Variants in COL24A1 observed in about 807,000 individuals in gnomAD.
COL24A1 encodes the protein collagen type XXIV alpha 1 chain.
A neutral mutation model predicts 253.9 loss-of-function variants in COL24A1; 224 were observed. The observed-to-expected ratio is 0.88, with a 90% confidence interval of 0.79 to 0.99. The LOEUF is 0.99. Among genes scored for constraint, COL24A1 ranks in the 50% least tolerant of loss-of-function variants. COL24A1 has a pLI of 0.00. For synonymous variants in COL24A1, 685 were observed against 673.7 expected, an observed-to-expected ratio of 1.02 and a Z score of -0.26; for missense variants, 2,131 against 2,068.5, an observed-to-expected ratio of 1.03 and a Z score of -0.59.
intron 53 of COL24A1, among the ~76,000 whole-genome samples, chr1:85,762,095 G>A (rs1038493489): frequency 6.6e-5 from 10 of 152,178 alleles, no homozygotes; most frequent in South Asian, 4.2e-4. Flanking sequence ...AAGGTGTATC[G>A]CAAAATGTCA....
intron 40 of COL24A1, 69 bp downstream of exon 40, chr1:85,842,271 A>G: frequency 7.4e-7 from 1 of 1,349,320 alleles, no homozygotes; most frequent in East Asian, 2.3e-5. Context: ...CTTAATTTGA[A>G]TATTTGGGAT....
chr1:85,873,594 T>C (rs1233367388), intron 35 of COL24A1, among the ~76,000 whole-genome samples: 1 of 151,798 alleles, frequency 6.6e-6, no homozygotes, highest in African/African-American at 2.4e-5. Context: ...AAGGAGAAAA[T>C]ACCAAACACT....
Position 86,063,729 on chromosome 1 carries a change from G to A in COL24A1, c.1738C>T (p.Leu580Phe), listed in dbSNP as rs1489066324. ...GAAGTACCTACTTGTTCACCTGGAA[G>A]TCCTGGGAGTCCAGGATGTCCTTTG... is the stretch of plus-strand genomic sequence containing the variant. ...GLKGHPGLPGLPGEQGIPGFA... is the reference protein window; with the variant it reads ...GLKGHPGLPGFPGEQGIPGFA... The change falls in exon 8 of 60, where the codon CTT becomes TTT. Residue 580 changes from leucine (L) to phenylalanine (F), a missense_variant. Leu to Phe is a conservative substitution (Grantham distance 22, BLOSUM62 0). Coordinates refer to ENST00000370571, the MANE Select transcript of COL24A1 (RefSeq NM_152890.7). 1.3e-6 allele frequency: 2 copies of A among 1,552,184 alleles called. No homozygotes were observed. The highest frequency in any genetic ancestry group is 1.7e-6 in the Non-Finnish European group (2 of 1,148,612).
intron 35 of COL24A1, among the ~76,000 whole-genome samples, chr1:85,872,072 C>A (rs11161694): frequency 6.6e-5 from 10 of 151,930 alleles, no homozygotes; most frequent in Non-Finnish European, 1.5e-4. Flanking sequence ...ACAGCCAAAT[C>A]ATGAGTGAAC....
intron 43 of COL24A1, among the ~76,000 whole-genome samples, chr1:85,829,496 T>G (rs956729620): frequency 6.6e-6 from 1 of 151,948 alleles, no homozygotes; most frequent in African/African-American, 2.4e-5. Context: ...GAAATTCTCC[T>G]GGATAATATC....
In COL24A1 at chr1:85,868,462, T is replaced by C. The variant is rs1314486444; in HGVS notation, c.3300+57A>G. 4.0e-6 allele frequency: 5 copies of C among 1,234,892 alleles called. No individual in the cohort carries two copies. In the African/African-American group the frequency reaches 7.4e-5, roughly 18 times the overall value. 76.5% of individuals were successfully genotyped at this position (1,234,892 alleles called of 1,614,324 possible). On this transcript the variant is annotated intron_variant, in intron 37 of 59. Transcript: ENST00000370571. ...GAGTGTGTGTAGGTTTGTGCATGTG[T>C]ACACATACAGGCAGTGAATTCACTT... is the stretch of plus-strand genomic sequence containing the variant.
intron 12 of COL24A1, among the ~76,000 whole-genome samples, chr1:86,043,517 C>G (rs1311674473): frequency 1.3e-5 from 2 of 151,534 alleles, no homozygotes; most frequent in African/African-American, 2.4e-5. Flanking sequence ...CAAACTTCTT[C>G]TTTTTATTTT....
chr1:86,006,801 AC>A (rs1017709469), intron 19 of COL24A1, among the ~76,000 whole-genome samples: 18 of 152,302 alleles, frequency 1.2e-4, no homozygotes, highest in Middle Eastern at 3.4e-3. Context: ...ATTAAAAAAA[AC>A]ATTAAAAAAA....
At chr1:85,906,788 T>C (rs1435804232) in intron 28 of COL24A1, among the ~76,000 whole-genome samples, 1 of 151,996 alleles carries the variant, frequency 6.6e-6, no homozygotes, top group Non-Finnish European at 1.5e-5. Flanking sequence ...TAAGCTCTTA[T>C]TCATCTTGTG....
At chr1:86,024,313 C>T (rs535990023) in intron 14 of COL24A1, among the ~76,000 whole-genome samples, 30 of 152,052 alleles carry the variant, frequency 2.0e-4, no homozygotes, top group African/African-American at 3.9e-4. Flanking sequence ...TTTGTGACAG[C>T]GGAAACACGT....
intron 7 of COL24A1, among the ~76,000 whole-genome samples, chr1:86,074,213 G>A (rs867020273): frequency 6.6e-6 from 1 of 152,096 alleles, no homozygotes; most frequent in South Asian, 2.1e-4. Context: ...GTATTCAGGA[G>A]ACAAATCTCA....
At chr1:86,069,550 G>A (rs1184726540) in intron 7 of COL24A1, among the ~76,000 whole-genome samples, 1 of 152,162 alleles carries the variant, frequency 6.6e-6, no homozygotes, top group Non-Finnish European at 1.5e-5. Flanking sequence ...ATGAAGGGAA[G>A]GGCTTTGGGT....
At chr1:85,934,203 T>A (rs1287896565) in intron 24 of COL24A1, among the ~76,000 whole-genome samples, 52 of 152,150 alleles carry the variant, frequency 3.4e-4, no homozygotes, top group Non-Finnish European at 4.4e-5. Context: ...GCCTTTATGA[T>A]CTAGCACACA....
In COL24A1 at chr1:85,911,468, A is replaced by T. The variant is rs1339420314; in HGVS notation, c.2563-35T>A. On this transcript the variant is annotated intron_variant, in intron 24 of 59. Transcript: ENST00000370571. The stretch of plus-strand genomic sequence containing the variant: ...AAAAAAAATAACAGAAAATACACAC[A>T]TATTGTATTGCTATTGTAGTGCCTG... 4 of 1,511,236 alleles carry T rather than the reference A, an allele frequency of 2.6e-6. No individual in the cohort carries two copies. The South Asian group carries it at 4.5e-5, about 17-fold the overall frequency. The allele number at this position is 1,511,236 out of a possible 1,614,324, so 93.6% of individuals were successfully genotyped here.
intron 39 of COL24A1, among the ~76,000 whole-genome samples, chr1:85,847,001 T>C (rs750164926): frequency 2.6e-5 from 4 of 152,126 alleles, no homozygotes; most frequent in Non-Finnish European, 4.4e-5. Flanking sequence ...GAAATACGCA[T>C]GCATTTTGTA....
chr1:85,774,409 C>T (rs1489813572), intron 53 of COL24A1, among the ~76,000 whole-genome samples: 2 of 152,060 alleles, frequency 1.3e-5, no homozygotes, highest in African/African-American at 4.8e-5. Context: ...AGGATTTCTT[C>T]GTTTTCTATT....
At chr1:85,886,894 A>C (rs1042415757) in intron 32 of COL24A1, among the ~76,000 whole-genome samples, 1 of 152,108 alleles carries the variant, frequency 6.6e-6, no homozygotes, top group Non-Finnish European at 1.5e-5. Flanking sequence ...CTGCCACTTT[A>C]TTTTGGCTGC....
intron 47 of COL24A1, among the ~76,000 whole-genome samples, chr1:85,798,999 A>G (rs1671114063): frequency 6.6e-6 from 1 of 152,126 alleles, no homozygotes; most frequent in South Asian, 2.1e-4. Flanking sequence ...CTTGTACAGA[A>G]GTTGAACTCG....
chr1:85,899,517 A>G (rs1055291381), intron 28 of COL24A1, among the ~76,000 whole-genome samples: 27 of 152,208 alleles, frequency 1.8e-4, no homozygotes, highest in Non-Finnish European at 2.6e-4. Context: ...ATCAAGCCCA[A>G]TGAAGTAGAT....
Sources: allele counts gnomAD v4.1 joint callset (sites outside exome capture counted in the v4.1 genomes callset), GRCh38; gene constraint gnomAD v4.1.1; transcripts MANE v1.5; gene names NCBI Gene and HGNC (gene_info 2026-07-23, HGNC 2026-07-21).